Variants in TNFSF4 observed in about 807,000 individuals in gnomAD.
The protein encoded by TNFSF4 is TNF superfamily member 4.
TNFSF4 carries 4 observed loss-of-function variants against 7.3 expected under a neutral mutation model. The ratio of observed to expected loss-of-function variants is 0.55; its 90% CI spans 0.27 to 1.25. The LOEUF (loss-of-function observed/expected upper bound fraction) is 1.25. Ranked by LOEUF, TNFSF4 falls within the 50% of genes most tolerant of loss-of-function variation. TNFSF4 has a pLI of 0.12. For synonymous variants in TNFSF4, 76 were observed against 83.7 expected (o/e 0.91, Z 0.50); for missense variants, 181 against 208.8 (o/e 0.87, Z 0.82).
At chr1:173,188,903 G>C (rs1169959722) in intron 1 of TNFSF4, among the ~76,000 whole-genome samples, 2 of 151,954 alleles carry the variant, frequency 1.3e-5, no homozygotes, top group Admixed American at 6.6e-5. Flanking sequence ...GGGTTTTTGA[G>C]GGGGTAGAGA....
At chr1:173,286,009 T>G in the TNFSF4 span, among the ~76,000 whole-genome samples, 1 of 152,136 alleles carries the variant, frequency 6.6e-6, no homozygotes. Context: ...CACAGAAAAG[T>G]TAAAATATTC....
chr1:173,175,946 T>C, the TNFSF4 span, among the ~76,000 whole-genome samples: 2 of 152,138 alleles, frequency 1.3e-5, no homozygotes, highest in South Asian at 4.2e-4. Context: ...TTTTTGTTTT[T>C]TTGTGTTTTT....
intron 1 of TNFSF4, 78 bp downstream of exon 1, chr1:173,206,946 C>T: frequency 6.8e-7 from 1 of 1,479,090 alleles, no homozygotes. Context: ...AAGATTATTT[C>T]CAAGCGACTG....
the TNFSF4 span, among the ~76,000 whole-genome samples, chr1:173,244,574 G>A: frequency 4.8e-5 from 7 of 147,292 alleles, no homozygotes; most frequent in East Asian, 5.9e-4. Context: ...CCCGGGAGGT[G>A]GAGCTTGCAG....
At chr1:173,233,782 A>C in the TNFSF4 span, among the ~76,000 whole-genome samples, 1 of 152,184 alleles carries the variant, frequency 6.6e-6, no homozygotes, top group Non-Finnish European at 1.5e-5. Flanking sequence ...CTTACACCTT[A>C]TAAAAAAATT....
chr1:173,194,728 A>T (rs570943381), intron 1 of TNFSF4, among the ~76,000 whole-genome samples: 4 of 151,966 alleles, frequency 2.6e-5, no homozygotes, highest in South Asian at 2.1e-4. Flanking sequence ...ACAAAAAAAT[A>T]AAAAAATAAT....
chr1:173,273,699 A>G, the TNFSF4 span, among the ~76,000 whole-genome samples: 1 of 152,226 alleles, frequency 6.6e-6, no homozygotes, highest in East Asian at 1.9e-4. Context: ...AATATTCATA[A>G]CTATGTACAT....
the TNFSF4 span, among the ~76,000 whole-genome samples, chr1:173,298,760 A>G: frequency 1.2e-4 from 18 of 150,010 alleles, no homozygotes; most frequent in African/African-American, 4.4e-4. Flanking sequence ...CCAAAATATC[A>G]TCATCACTAA....
At chr1:173,439,559 T>C in the TNFSF4 span, among the ~76,000 whole-genome samples, 1 of 152,186 alleles carries the variant, frequency 6.6e-6, no homozygotes, top group African/African-American at 2.4e-5. Context: ...GCCTGTGGCC[T>C]CAATCCTGCT....
the TNFSF4 span, among the ~76,000 whole-genome samples, chr1:173,266,387 C>A: frequency 6.6e-6 from 1 of 152,100 alleles, no homozygotes; most frequent in African/African-American, 2.4e-5. Flanking sequence ...AGCCTCCCAC[C>A]AAGTGAGAGT....
the TNFSF4 span, among the ~76,000 whole-genome samples, chr1:173,284,149 G>T: frequency 6.6e-6 from 1 of 152,156 alleles, no homozygotes; most frequent in South Asian, 2.1e-4. Context: ...TGAGGAAGCT[G>T]CAGGAGAAAA....
At chr1:173,242,712 T>A in the TNFSF4 span, among the ~76,000 whole-genome samples, 1 of 150,522 alleles carries the variant, frequency 6.6e-6, no homozygotes, top group Non-Finnish European at 1.5e-5. Context: ...AGAGATGGAG[T>A]GATGTGGTTT....
the TNFSF4 span, among the ~76,000 whole-genome samples, chr1:173,212,845 A>T: frequency 6.6e-6 from 1 of 152,038 alleles, no homozygotes; most frequent in South Asian, 2.1e-4. Flanking sequence ...TAATTAATTT[A>T]AAACTTTTTT....
chr1:173,341,214 T>C, the TNFSF4 span, among the ~76,000 whole-genome samples: 1 of 152,166 alleles, frequency 6.6e-6, no homozygotes, highest in South Asian at 2.1e-4. Context: ...CATAGCAGCA[T>C]GAGAACAGAA....
At position 173,186,396 on chromosome 1, in the gene TNFSF4, G is replaced by T; in HGVS notation, c.*120C>A. 2.6e-6 allele frequency: 2 copies of T among 776,642 alleles called. No homozygotes were observed. Among genetic ancestry groups the T allele is most frequent in the Non-Finnish European group, 4.1e-6 (2 of 490,508 alleles). 48.1% of individuals were successfully genotyped at this position (776,642 alleles called of 1,614,324 possible). A position where few individuals can be genotyped will look rare whatever the true frequency, so the allele number is the denominator to read the frequency against. On this transcript the variant is annotated 3_prime_UTR_variant, in exon 3 of 3. Transcript: ENST00000281834. The stretch of plus-strand genomic sequence containing the variant: ...GCGGGAGGGCCAGGATCTGCTTCTT[G>T]TCACATCCCACGTGGCTGAGCTGGG...
At chr1:173,391,932 T>C in the TNFSF4 span, among the ~76,000 whole-genome samples, 1 of 152,234 alleles carries the variant, frequency 6.6e-6, no homozygotes, top group Non-Finnish European at 1.5e-5. Flanking sequence ...TCAATCATCA[T>C]GACCTTTAAA....
At chr1:173,237,904 C>A in the TNFSF4 span, among the ~76,000 whole-genome samples, 4 of 152,126 alleles carry the variant, frequency 2.6e-5, no homozygotes, top group African/African-American at 9.7e-5. Context: ...CTAGAAAAAA[C>A]TATCCTAAAA....
chr1:173,379,691 A>C, the TNFSF4 span, among the ~76,000 whole-genome samples: 4 of 152,348 alleles, frequency 2.6e-5, no homozygotes, highest in Middle Eastern at 3.4e-3. Flanking sequence ...AAGTGAGATC[A>C]GAGAAAGGCC....
intron 1 of TNFSF4, chr1:173,205,689 C>T: frequency 1.4e-6 from 1 of 706,784 alleles, no homozygotes; most frequent in Non-Finnish European, 1.8e-6. Flanking sequence ...CTCAAAAGAG[C>T]CTAATTCCGG....
Sources: gnomAD v4.1 joint callset for allele counts (sites outside exome capture counted in the v4.1 genomes callset) on GRCh38, gnomAD v4.1.1 for gene constraint, MANE v1.5 for transcripts, NCBI Gene and HGNC (gene_info 2026-07-23, HGNC 2026-07-21) for gene names.